The following CCDC90B variants were observed in gnomAD, a reference collection of about 807,000 sequenced individuals.
The protein encoded by CCDC90B is coiled-coil domain-containing protein 90B, mitochondrial.
A neutral mutation model predicts 37.0 loss-of-function variants in CCDC90B; 24 were observed. The observed-to-expected ratio is 0.65, with a 90% confidence interval of 0.47 to 0.91. The LOEUF (loss-of-function observed/expected upper bound fraction) is 0.91. CCDC90B is among the 40% of genes least tolerant of loss of function. The probability of loss-of-function intolerance (pLI) is 0.00; values close to 1 mark genes in which losing one functional copy is unlikely to be tolerated. For synonymous variants in CCDC90B, 113 were observed against 101.1 expected (o/e 1.12, Z -0.71); for missense variants, 319 against 299.0 (o/e 1.07, Z -0.49).
rs960449627 is a variant in CCDC90B, at chr11:83,286,137, G to A, written c.-165C>T. The A allele has an allele frequency of 2.0e-6, 3 of 1,536,230 alleles. No individual in the cohort carries two copies. Among genetic ancestry groups the A allele is most frequent in the East Asian group, 2.4e-5 (1 of 40,912 alleles). ...GCGCCACCGTGGTCCCACGAAACTG[G>A]GTCTCTTCACAGACAGACCCACAGT... On this transcript the variant is annotated 5_prime_UTR_variant, in exon 1 of 9. Coordinates refer to ENST00000529689, the MANE Select transcript of CCDC90B (RefSeq NM_021825.5).
At chr11:83,269,369 A>G (rs1279258920) in intron 7 of CCDC90B, among the ~76,000 whole-genome samples, 1 of 152,146 alleles carries the variant, frequency 6.6e-6, no homozygotes, top group African/African-American at 2.4e-5. Context: ...TGAACCTAGG[A>G]GCTGGTTTTT....
intron 1 of CCDC90B, among the ~76,000 whole-genome samples, chr11:83,282,498 T>G (rs1196307208): frequency 6.6e-6 from 1 of 152,208 alleles, no homozygotes; most frequent in African/African-American, 2.4e-5. Context: ...AAATTTGGGA[T>G]AGAGACCAAA....
In CCDC90B at chr11:83,260,153, G is replaced by T. The variant is rs948397182; in HGVS notation, c.*1758C>A. ...GCTACTGGAGCTTCCTTCACATGGA[G>T]GAAAGACGCATTCCCTCTTAATATT... On this transcript the variant is annotated 3_prime_UTR_variant, in exon 9 of 9. Transcript: ENST00000529689. 4 of 152,208 alleles carry T rather than the reference G, an allele frequency of 2.6e-5. No homozygotes were observed. The highest frequency in any genetic ancestry group is 1.3e-4 in the Admixed American group (2 of 15,274). 9.4% of individuals were successfully genotyped at this position (152,208 alleles called of 1,614,324 possible). A position where few individuals can be genotyped will look rare whatever the true frequency, so the allele number is the denominator to read the frequency against.
Position 83,286,259 on chromosome 11 carries a change from A to C in CCDC90B, c.-287T>G. On this transcript the variant is annotated 5_prime_UTR_variant, in exon 1 of 9. Coordinates refer to ENST00000529689, the MANE Select transcript of CCDC90B (RefSeq NM_021825.5). ...CTAGGAAAGCGAGATCTTGTCAGAG[A>C]ACCTTCCGGCGCCTGTTTCCTGGCA... 7.0e-7 allele frequency: 1 copy of C among 1,426,996 alleles called. No individual in the cohort carries two copies. The highest frequency in any genetic ancestry group is 9.5e-7 in the Non-Finnish European group (1 of 1,058,042). The allele number at this position is 1,426,996 out of a possible 1,614,324, so 88.4% of individuals were successfully genotyped here.
chr11:83,281,741 A>G (rs1252699662), intron 1 of CCDC90B, among the ~76,000 whole-genome samples: 1 of 152,038 alleles, frequency 6.6e-6, no homozygotes, highest in Non-Finnish European at 1.5e-5. Flanking sequence ...TGGTACTCTT[A>G]GTTACATATT....
intron 7 of CCDC90B, among the ~76,000 whole-genome samples, chr11:83,270,299 G>C (rs897648712): frequency 6.6e-6 from 1 of 152,130 alleles, no homozygotes; most frequent in Non-Finnish European, 1.5e-5. Flanking sequence ...TGGAAGTTCT[G>C]GCCAGGGCAA....
intron 4 of CCDC90B, 91 bp from the exon 5 acceptor site, chr11:83,274,083 G>T: frequency 1.1e-6 from 1 of 943,062 alleles, no homozygotes; most frequent in Non-Finnish European, 1.5e-6. Flanking sequence ...CCAAAATTTG[G>T]ACAATCTATG....
In CCDC90B at chr11:83,265,879, A is replaced by C. The variant is rs201949947; in HGVS notation, c.695T>G (p.Ile232Ser). Residue 232 changes from isoleucine to serine, a missense_variant, in exon 8 of 9, where the codon ATT (isoleucine) becomes AGT (serine). Coordinates refer to ENST00000529689, the MANE Select transcript of CCDC90B (RefSeq NM_021825.5). ...GACAGTCTTACCTGCAAGATAACGAATTGTCTCAAGTTTGTTAGATTCCAT... is the reference window on the plus strand; with the variant it reads ...GACAGTCTTACCTGCAAGATAACGACTTGTCTCAAGTTTGTTAGATTCCAT... ...TLMESNKLET[I>S]RYLAASVFTC... 9 of 1,603,332 alleles carry C rather than the reference A, an allele frequency of 5.6e-6. No individual in the cohort carries two copies. In the African/African-American group the frequency reaches 8.0e-5, roughly 14 times the overall value.
chr11:83,274,868 A>C, intron 3 of CCDC90B, 128 bp from the exon 4 acceptor site: 1 of 544,366 alleles, frequency 1.8e-6, no homozygotes, highest in Non-Finnish European at 3.2e-6. Flanking sequence ...TGGTTAAGTA[A>C]ATATGAAACC....
rs1212120654 is a variant in CCDC90B, at chr11:83,266,713, C to CA, written c.595-735_595-734insT. Among the ~76,000 whole-genome samples the CA allele has an allele frequency of 1.1e-3, 173 of 152,390 alleles. 2 individuals are homozygous for CA. The highest frequency in any genetic ancestry group is 0.01 in the Middle Eastern group (3 of 294). On this transcript the variant is annotated intron_variant, in intron 7 of 8. Coordinates refer to ENST00000529689, the MANE Select transcript of CCDC90B (RefSeq NM_021825.5). The stretch of plus-strand genomic sequence containing the variant: ...AAAGGCAGCAGACAACTTCTGCAGA[C>CA]TTAAATGTCCCTGTCTGACAGCTGT...
rs756274892 is a variant in CCDC90B at position 83,273,718 on chromosome 11, G to A, written c.541-18C>T. ...TCTGTAAACTATAGGATATGAAGCAGCAGGAAGTTAAAAAAAAAGTCTAAA... is the reference window on the plus strand; with the variant it reads ...TCTGTAAACTATAGGATATGAAGCAACAGGAAGTTAAAAAAAAAGTCTAAA... On this transcript the variant is annotated intron_variant, in intron 6 of 8. Coordinates refer to ENST00000529689, the MANE Select transcript of CCDC90B (RefSeq NM_021825.5). The A allele has an allele frequency of 5.0e-6, 8 of 1,602,856 alleles. No homozygotes were observed. Among genetic ancestry groups the A allele is most frequent in the Non-Finnish European group, 6.8e-6 (8 of 1,176,392 alleles).
Position 83,273,977 on chromosome 11 carries a change from A to G in CCDC90B, c.442T>C (p.Leu148=). Reference sequence around the variant, plus strand: ...ATTAGTTGTTGCTTAACTTGGTCTAATTCAATTTTCATTTTCTAGGTACAG... The same window carrying G: ...ATTAGTTGTTGCTTAACTTGGTCTAGTTCAATTTTCATTTTCTAGGTACAG... The part of the protein sequence containing the change: ...RAENEKMKIE[L]DQVKQQLMHE... The change falls in exon 5 of 9, where the codon TTA becomes CTA. Residue 148 remains leucine (L), a synonymous_variant. Transcript: ENST00000529689. 6.3e-7 allele frequency: 1 copy of G among 1,575,124 alleles called. No individual in the cohort carries two copies. The highest frequency in any genetic ancestry group is 8.6e-7 in the Non-Finnish European group (1 of 1,162,584).
intron 4 of CCDC90B, chr11:83,274,362 A>G (rs1864892140): frequency 3.7e-6 from 1 of 271,318 alleles, no homozygotes; most frequent in Non-Finnish European, 6.8e-6. Flanking sequence ...CTCTGAAACC[A>G]TTATATACAA....
Position 83,272,256 on chromosome 11 carries a change from T to A in CCDC90B, c.594+1391A>T, listed in dbSNP as rs559382649. On this transcript the variant is annotated intron_variant, in intron 7 of 8. Coordinates refer to ENST00000529689, the MANE Select transcript of CCDC90B (RefSeq NM_021825.5). ...CTAGAACTTAAAGTATTAAAAAAAA[T>A]TTTTTTTTAAAAACACTATAAACTG... Among the ~76,000 whole-genome samples, 97 of 151,990 alleles carry A rather than the reference T, an allele frequency of 6.4e-4. 1 individual carries two copies. The highest frequency in any genetic ancestry group is 3.9e-3 in the Admixed American group (59 of 15,242).
chr11:83,274,654 C>A lies in CCDC90B; in HGVS notation c.411G>T (p.Leu137=). The A allele has an allele frequency of 1.2e-6, 2 of 1,603,670 alleles. No homozygotes were observed. The highest frequency in any genetic ancestry group is 1.1e-5 in the South Asian group (1 of 89,686). The change falls in exon 4 of 9, where the codon CTG becomes CTT. Residue 137 remains leucine, a synonymous_variant. Coordinates refer to ENST00000529689, the MANE Select transcript of CCDC90B (RefSeq NM_021825.5). ...VILEKSEFAN[L]RAENEKMKIE... The stretch of plus-strand genomic sequence containing the variant: ...TTTGTATCACCTCATTCTCTGCTCT[C>A]AGATTTGCAAATTCACTTTTCTCTA...
At chr11:83,285,604 A>T (rs543613527) in intron 1 of CCDC90B, 2 of 1,317,574 alleles carry the variant, frequency 1.5e-6, no homozygotes, top group Admixed American at 7.3e-5. Flanking sequence ...AAAAAACGGA[A>T]ACAACGGCTG....
intron 8 of CCDC90B, among the ~76,000 whole-genome samples, chr11:83,263,108 A>AAC (rs543058664): frequency 6.6e-6 from 1 of 152,190 alleles, no homozygotes; most frequent in Non-Finnish European, 1.5e-5. Context: ...TTAATAAAAA[A>AAC]ACACACACAC....
Position 83,273,997 on chromosome 11 carries a change from G to A in CCDC90B, c.427-5C>T, listed in dbSNP as rs561525036. 6.5e-7 allele frequency: 1 copy of A among 1,549,448 alleles called. No individual in the cohort carries two copies. The highest frequency in any genetic ancestry group is 2.0e-5 in the Admixed American group (1 of 48,956). ...GTCTAATTCAATTTTCATTTTCTAG[G>A]TACAGGAAAGATCACATGCAATTAG... is the stretch of plus-strand genomic sequence containing the variant. On this transcript the variant is annotated splice_region_variant and splice_polypyrimidine_tract_variant and intron_variant, in intron 4 of 8. Coordinates refer to ENST00000529689, the MANE Select transcript of CCDC90B (RefSeq NM_021825.5).
intron 1 of CCDC90B, among the ~76,000 whole-genome samples, chr11:83,284,580 CATT>C (rs1311036779): frequency 5.9e-5 from 9 of 152,160 alleles, no homozygotes; most frequent in Admixed American, 5.9e-4. Flanking sequence ...TGATTATTGA[CATT>C]ATTAGGCAAG....
Sources: gnomAD v4.1 joint callset for allele counts (sites outside exome capture counted in the v4.1 genomes callset) on GRCh38, gnomAD v4.1.1 for gene constraint, MANE v1.5 for transcripts, NCBI Gene and HGNC (gene_info 2026-07-23, HGNC 2026-07-21) for gene names.